MAPK10: variants seen among roughly 807,000 people sequenced by gnomAD.
The protein encoded by MAPK10 is JNK3 alpha protein kinase.
A neutral mutation model predicts 59.3 loss-of-function variants in MAPK10; 25 were observed. The ratio of observed to expected loss-of-function variants is 0.42; its 90% confidence interval spans 0.31 to 0.59. The LOEUF is 0.59. MAPK10 is among the 20% of genes least tolerant of loss of function. MAPK10 has a pLI of 0.15. For synonymous variants in MAPK10, 190 were observed against 200.5 expected (o/e 0.95, Z 0.44); for missense variants, 351 against 568.9 (o/e 0.62, Z 3.90).
At chr4:86,487,353 G>A (rs1754073127) in intron 1 of MAPK10, among the ~76,000 whole-genome samples, 1 of 53,970 alleles carries the variant, frequency 1.9e-5, no homozygotes, top group Admixed American at 2.3e-4. Context: ...TCATAAAAGA[G>A]AGAGAGAGAG....
At chr4:86,349,134 T>A (rs1729809071) in intron 2 of MAPK10, among the ~76,000 whole-genome samples, 1 of 152,210 alleles carries the variant, frequency 6.6e-6, no homozygotes, top group African/African-American at 2.4e-5. Flanking sequence ...AACAATGCTG[T>A]TAAATGAGCA....
At position 86,214,524 on chromosome 4, in the gene MAPK10, A is replaced by AAAC. The variant is rs1554099606; in HGVS notation, c.-6-20118_-6-20117insGTT. Among the ~76,000 whole-genome samples, 1,004 of 149,798 alleles carry AAAC rather than the reference A, an allele frequency of 6.7e-3. 9 individuals carry two copies. The highest frequency in any genetic ancestry group is 0.023 in the African/African-American group (936 of 40,172). On this transcript the variant is annotated intron_variant, in intron 2 of 13. Coordinates refer to ENST00000641462, the MANE Select transcript of MAPK10 (RefSeq NM_138982.4). ...CTTAAGATTCCTTAAAAAAAAAAAAAAAAAAAAAAAACTGTTAGAACTGAT... is the reference window on the plus strand; with the variant it reads ...CTTAAGATTCCTTAAAAAAAAAAAAAAACAAAAAAAAAAACTGTTAGAACTGAT...
intron 2 of MAPK10, among the ~76,000 whole-genome samples, chr4:86,234,832 T>C (rs917047030): frequency 2.6e-5 from 4 of 152,180 alleles, no homozygotes; most frequent in Non-Finnish European, 5.9e-5. Flanking sequence ...CAACAACCTC[T>C]AAGACCCTTT....
chr4:86,406,602 T>C (rs1744393737), intron 1 of MAPK10, among the ~76,000 whole-genome samples: 1 of 152,166 alleles, frequency 6.6e-6, no homozygotes, highest in African/African-American at 2.4e-5. Flanking sequence ...AGAACACAGC[T>C]CTGCCATAAA....
chr4:86,188,683 T>C lies in MAPK10; in HGVS notation c.66+5653A>G, dbSNP rs888998502. ...GATACATTGCAAAAATGTTCCCCCATTCTGTGGGTTGCCTGTTCACTCTGG... is the reference window on the plus strand; with the variant it reads ...GATACATTGCAAAAATGTTCCCCCACTCTGTGGGTTGCCTGTTCACTCTGG... On this transcript the variant is annotated intron_variant, in intron 3 of 13. Transcript: ENST00000641462. Among the ~76,000 whole-genome samples the C allele has an allele frequency of 7.9e-5, 12 of 152,170 alleles. No individual in the cohort carries two copies. In the South Asian group the frequency reaches 1.9e-3, roughly 24 times the overall value.
At chr4:86,233,653 G>C (rs761971970) in intron 2 of MAPK10, among the ~76,000 whole-genome samples, 1 of 152,134 alleles carries the variant, frequency 6.6e-6, no homozygotes, top group South Asian at 2.1e-4. Context: ...CATAGCCTCC[G>C]AGTGTGAGCA....
Position 86,421,779 on chromosome 4 carries a change from A to G in MAPK10, c.-122+31251T>C, listed in dbSNP as rs142567219. On this transcript the variant is annotated intron_variant, in intron 1 of 13. Coordinates refer to the MAPK10 transcript ENST00000361569. Reference sequence around the variant, plus strand: ...ACAGCCAGAGTGAGTTTTTAAAAGCATAAGTAGGATCGTGCCGCTCCTCTG... The same window carrying G: ...ACAGCCAGAGTGAGTTTTTAAAAGCGTAAGTAGGATCGTGCCGCTCCTCTG... Among the ~76,000 whole-genome samples, 38 of 152,332 alleles carry G rather than the reference A, an allele frequency of 2.5e-4. 1 individual carries two copies. In the East Asian group the frequency reaches 6.4e-3, roughly 26 times the overall value.
At chr4:86,204,389 C>G (rs1370769961) in intron 2 of MAPK10, among the ~76,000 whole-genome samples, 1 of 151,764 alleles carries the variant, frequency 6.6e-6, no homozygotes, top group African/African-American at 2.4e-5. Context: ...AAGTAAAATT[C>G]TTTAATTTTG....
At chr4:86,468,120 C>T (rs1752366719) in intron 1 of MAPK10, among the ~76,000 whole-genome samples, 1 of 152,204 alleles carries the variant, frequency 6.6e-6, no homozygotes, top group African/African-American at 2.4e-5. Context: ...CCTCCTTAAA[C>T]CCTCCTGAGA....
chr4:86,175,506 C>G (rs990455477), intron 3 of MAPK10, among the ~76,000 whole-genome samples: 2 of 151,982 alleles, frequency 1.3e-5, no homozygotes. Flanking sequence ...GGTTTAACAC[C>G]ATTCCCTTTA....
rs1231540937 is a variant in MAPK10 at position 86,177,842 on chromosome 4, T to A, written c.66+16494A>T. Among the ~76,000 whole-genome samples the A allele has an allele frequency of 4.6e-5, 7 of 152,156 alleles. No homozygotes were observed. The South Asian group carries it at 1.2e-3, about 27-fold the overall frequency. The stretch of plus-strand genomic sequence containing the variant: ...AGTGATCAGTAATTTTGCTAAAGGA[T>A]AGATATTATTATATATACACATATA... On this transcript the variant is annotated intron_variant, in intron 3 of 13. Transcript: ENST00000641462.
intron 1 of MAPK10, among the ~76,000 whole-genome samples, chr4:86,464,800 A>G (rs1038725157): frequency 6.6e-6 from 1 of 150,644 alleles, no homozygotes; most frequent in East Asian, 2.0e-4. Flanking sequence ...AGGCTGGGCA[A>G]CAGAGCGAGA....
chr4:86,086,433 A>G (rs948089207), intron 9 of MAPK10, among the ~76,000 whole-genome samples: 1 of 152,224 alleles, frequency 6.6e-6, no homozygotes, highest in African/African-American at 2.4e-5. Context: ...CAAAGGATAA[A>G]TACTTGAGGG....
rs2095663583 is a variant in MAPK10, at chr4:86,311,218, A to T, written c.-7+43312T>A. ...AACAAAAAATGACTCAACATTAATAAGGAAGCTTAAAAGATAAAATACTAA... is the reference window on the plus strand; with the variant it reads ...AACAAAAAATGACTCAACATTAATATGGAAGCTTAAAAGATAAAATACTAA... On this transcript the variant is annotated intron_variant, in intron 2 of 13. Transcript: ENST00000641462. Among the ~76,000 whole-genome samples, 5 of 152,154 alleles carry T rather than the reference A, an allele frequency of 3.3e-5. No individual in the cohort carries two copies. In the South Asian group the frequency reaches 1.0e-3, roughly 31 times the overall value.
intron 11 of MAPK10, among the ~76,000 whole-genome samples, chr4:86,057,531 T>A (rs933902030): frequency 3.3e-5 from 5 of 150,030 alleles, no homozygotes; most frequent in Non-Finnish European, 7.4e-5. Context: ...TTATCAAAGA[T>A]TCTCATTCAA....
In MAPK10 at chr4:86,172,018, A is replaced by T. The variant is rs1015956926; in HGVS notation, c.67-12551T>A. Among the ~76,000 whole-genome samples, 5 of 143,692 alleles carry T rather than the reference A, an allele frequency of 3.5e-5. No individual in the cohort carries two copies. The South Asian group carries it at 6.4e-4, about 18-fold the overall frequency. 94.3% of individuals were successfully genotyped at this position (143,692 alleles called of 152,430 possible). On this transcript the variant is annotated intron_variant, in intron 3 of 13. Coordinates refer to ENST00000641462, the MANE Select transcript of MAPK10 (RefSeq NM_138982.4). ...TCAGAGAAATGCAAATCAAAACCAC[A>T]ATGAGATACCATCTCACACCAGTTA...
intron 2 of MAPK10, among the ~76,000 whole-genome samples, chr4:86,201,605 A>G (rs747386976): frequency 2.0e-5 from 3 of 151,898 alleles, no homozygotes; most frequent in Non-Finnish European, 4.4e-5. Flanking sequence ...CTTCTGTTAG[A>G]GACACGCATT....
At position 86,033,316 on chromosome 4, in the gene MAPK10, G is replaced by T. The variant is rs554774599; in HGVS notation, c.1111-1885C>A. 7.2e-5 allele frequency among the ~76,000 whole-genome samples: 11 copies of T among 152,322 alleles called. No homozygotes were observed. In the South Asian group the frequency reaches 2.3e-3, roughly 32 times the overall value. ...GTTAGGCCGCTATCCAAGCGACCTT[G>T]TCCAGGACCCCTGCAGGACACAGTG... On this transcript the variant is annotated intron_variant, in intron 11 of 13. Transcript: ENST00000641462.
chr4:86,188,749 T>C (rs183605273), intron 3 of MAPK10, among the ~76,000 whole-genome samples: 1 of 152,354 alleles, frequency 6.6e-6, no homozygotes, highest in East Asian at 1.9e-4. Flanking sequence ...TTAGTTTAAC[T>C]AGATCCCATT....
Sources: gnomAD v4.1 joint callset for allele counts (sites outside exome capture counted in the v4.1 genomes callset) on GRCh38, gnomAD v4.1.1 for gene constraint, MANE v1.5 for transcripts, NCBI Gene and HGNC (gene_info 2026-07-23, HGNC 2026-07-21) for gene names.